Variants in PCDHA3 observed in about 807,000 individuals in gnomAD.
PCDHA3 encodes the protein protocadherin alpha 3.
Under a neutral mutation model 62.2 loss-of-function variants are expected in PCDHA3, and 41 were observed. The observed-to-expected ratio is 0.66, with a 90% confidence interval of 0.51 to 0.86. The LOEUF (loss-of-function observed/expected upper bound fraction) is 0.86, where lower values mean the gene tolerates loss of function less well. Ranked by LOEUF, PCDHA3 falls within the 40% of genes least tolerant of loss-of-function variation. PCDHA3 has a pLI of 0.00. For synonymous variants in PCDHA3, 640 were observed against 555.4 expected, an observed-to-expected ratio of 1.15 and a Z score of -2.14; for missense variants, 1,304 against 1,241.2, an observed-to-expected ratio of 1.05 and a Z score of -0.76.
At position 140,898,329 on chromosome 5, in the gene PCDHA3, C is replaced by T. The variant is rs13158044; in HGVS notation, c.2395-80620C>T. Among the ~76,000 whole-genome samples the T allele has an allele frequency of 3.9e-5, 6 of 152,232 alleles. No homozygotes were observed. The East Asian group carries it at 7.7e-4, about 20-fold the overall frequency. On this transcript the variant is annotated intron_variant, in intron 1 of 3. Transcript: ENST00000522353. ...AGGGTTTTTATGGTTTTGGGTCTAA[C>T]GTTTAAGTCTTTAATCCATCTTGAA...
chr5:140,890,732 TTA>T (rs2062774217), intron 1 of PCDHA3, among the ~76,000 whole-genome samples: 1 of 152,238 alleles, frequency 6.6e-6, no homozygotes, highest in Admixed American at 6.5e-5. Context: ...CCCTTTTGAC[TTA>T]TATACTATTT....
chr5:140,879,337 G>A (rs251379), intron 1 of PCDHA3, among the ~76,000 whole-genome samples: 101,683 of 152,024 alleles, frequency 0.67, 34,216 homozygotes, highest in Middle Eastern at 0.71. Flanking sequence ...AGTTTGTTCA[G>A]CTGAGAAGAT....
intron 3 of PCDHA3, among the ~76,000 whole-genome samples, chr5:140,983,479 G>A (rs1297150913): frequency 1.3e-5 from 2 of 152,194 alleles, no homozygotes; most frequent in Non-Finnish European, 2.9e-5. Context: ...GATAATAGTA[G>A]TTACTAATTA....
At chr5:140,871,408 A>C (rs1053262394) in intron 1 of PCDHA3, 2 of 1,613,986 alleles carry the variant, frequency 1.2e-6, no homozygotes, top group African/African-American at 2.7e-5. Flanking sequence ...GACGGACCTC[A>C]TGGCCTTCAG....
rs2150162477 is a variant in PCDHA3, at chr5:140,829,090, T to C, written c.2394+25499T>C. On this transcript the variant is annotated intron_variant, in intron 1 of 3. Transcript: ENST00000522353. ...AAGGCCATCCTCCCATGGCGGGTCA[T>C]TGCACCGTTTTAGTGAGAATTTTGG... is the stretch of plus-strand genomic sequence containing the variant. The C allele has an allele frequency of 2.5e-6, 4 of 1,611,416 alleles. No homozygotes were observed. In the South Asian group the frequency reaches 4.4e-5, roughly 18 times the overall value.
intron 1 of PCDHA3, among the ~76,000 whole-genome samples, chr5:140,941,877 A>T (rs1554214743): frequency 1.3e-5 from 2 of 152,224 alleles, no homozygotes; most frequent in Non-Finnish European, 2.9e-5. Flanking sequence ...TTCTATCACC[A>T]GTGACTAGCA....
At chr5:140,891,196 A>C (rs1043715116) in intron 1 of PCDHA3, among the ~76,000 whole-genome samples, 5 of 151,974 alleles carry the variant, frequency 3.3e-5, no homozygotes, top group Non-Finnish European at 7.4e-5. Context: ...GATATTTTGC[A>C]GTTTTACCAT....
chr5:140,941,175 C>T (rs1344326389), intron 1 of PCDHA3, among the ~76,000 whole-genome samples: 1 of 145,416 alleles, frequency 6.9e-6, no homozygotes, highest in Admixed American at 6.8e-5. Context: ...CCATCTTGAA[C>T]ATCCTGCTTC....
rs868958947 is a variant in PCDHA3 at position 140,854,334 on chromosome 5, C to T, written c.2394+50743C>T. On this transcript the variant is annotated intron_variant, in intron 1 of 3. Transcript: ENST00000522353. ...ATTGATCAATGGCAAACTTATTTTA[C>T]GCTCCAGATAGCTAAAACAAACGTT... The T allele has an allele frequency of 4.5e-5, 9 of 198,856 alleles. 1 individual carries two copies. The highest frequency in any genetic ancestry group is 1.9e-4 in the East Asian group (1 of 5,382). The allele number at this position is 198,856 out of a possible 1,614,324, so 12.3% of individuals were successfully genotyped here. A position where few individuals can be genotyped will look rare whatever the true frequency, so the allele number is the denominator to read the frequency against.
intron 1 of PCDHA3, chr5:140,855,801 T>C: frequency 2.1e-6 from 1 of 474,526 alleles, no homozygotes. Context: ...AACATATGAA[T>C]GAAAGAAAAG....
chr5:140,986,373 G>A (rs376031401), intron 3 of PCDHA3, among the ~76,000 whole-genome samples: 26 of 152,280 alleles, frequency 1.7e-4, no homozygotes, highest in South Asian at 4.1e-4. Context: ...TGCGTTTTGG[G>A]GGGAGGGACA....
intron 1 of PCDHA3, chr5:140,927,044 C>T (rs1337649079): frequency 6.2e-7 from 1 of 1,612,210 alleles, no homozygotes; most frequent in Non-Finnish European, 8.5e-7. Flanking sequence ...GCCGCTATGT[C>T]CTCGCGGAAC....
At chr5:140,867,426 AT>A (rs1462800556) in intron 1 of PCDHA3, 4 of 152,150 alleles carry the variant, frequency 2.6e-5, no homozygotes, top group African/African-American at 9.7e-5. Flanking sequence ...TTAATACAGA[AT>A]TTTGCATTTA....
chr5:140,863,406 G>A (rs1228817689), intron 1 of PCDHA3: 1 of 800,564 alleles, frequency 1.2e-6, no homozygotes, highest in East Asian at 4.2e-5. Context: ...GCAAGCCCAC[G>A]CTGGTGTACC....
At position 140,851,057 on chromosome 5, in the gene PCDHA3, C is replaced by T; in HGVS notation, c.2394+47466C>T. The T allele has an allele frequency of 2.9e-6, 4 of 1,378,132 alleles. No homozygotes were observed. In the African/African-American group the frequency reaches 4.4e-5, roughly 15 times the overall value. 85.4% of individuals were successfully genotyped at this position (1,378,132 alleles called of 1,614,324 possible). ...AACATTGGAGCCGACTTTGTCTTGA[C>T]TTCTAGTGAGAATTATAAACTGTAT... On this transcript the variant is annotated intron_variant, in intron 1 of 3. Transcript: ENST00000522353.
chr5:140,916,584 G>T (rs1257440146), intron 1 of PCDHA3, among the ~76,000 whole-genome samples: 1 of 152,186 alleles, frequency 6.6e-6, no homozygotes, highest in Non-Finnish European at 1.5e-5. Flanking sequence ...TGTCATCCAT[G>T]AGCTAGGGCC....
chr5:140,864,625 G>GAAAAC (rs1229518182), intron 1 of PCDHA3: 2 of 152,052 alleles, frequency 1.3e-5, no homozygotes, highest in Non-Finnish European at 2.9e-5. Flanking sequence ...TTTTTAAAAA[G>GAAAAC]AAAACAAAAC....
intron 1 of PCDHA3, chr5:140,807,861 C>T (rs1764047058): frequency 1.2e-6 from 2 of 1,614,094 alleles, no homozygotes; most frequent in Non-Finnish European, 1.7e-6. Context: ...TTGACTGGCA[C>T]CGTTCAGTTA....
At chr5:140,856,056 C>T (rs2043749341) in intron 1 of PCDHA3, 1 of 1,586,796 alleles carries the variant, frequency 6.3e-7, no homozygotes, top group Non-Finnish European at 8.6e-7. Flanking sequence ...AAGATGGTTT[C>T]CAGATGTAGC....
Sources: allele counts gnomAD v4.1 joint callset (sites outside exome capture counted in the v4.1 genomes callset), GRCh38; gene constraint gnomAD v4.1.1; transcripts MANE v1.5; gene names NCBI Gene and HGNC (gene_info 2026-07-23, HGNC 2026-07-21).